ARNT2: variants seen among roughly 807,000 people sequenced by gnomAD.
ARNT2 encodes the protein ARNT protein 2.
Under a neutral mutation model 91.7 loss-of-function variants are expected in ARNT2, and 36 were observed. That is an observed-to-expected ratio of 0.39 (90% CI 0.30 to 0.52). The LOEUF (loss-of-function observed/expected upper bound fraction) is 0.52. Among genes scored for constraint, ARNT2 ranks in the 20% least tolerant of loss-of-function variants. ARNT2 has a pLI of 0.72. For missense variants in ARNT2, 775 were observed against 939.3 expected (o/e 0.83, Z 2.29); for synonymous variants, 365 against 347.1 (o/e 1.05, Z -0.57).
chr15:80,475,271 T>G (rs748257257), intron 5 of ARNT2, 48 bp downstream of exon 5: 1 of 1,599,154 alleles, frequency 6.3e-7, no homozygotes, highest in South Asian at 1.1e-5. Context: ...GAAAACATTC[T>G]TGGCTGGGCA....
In ARNT2 at chr15:80,555,095, T is replaced by C; in HGVS notation, c.1120T>C (p.Cys374Arg). 1 of 1,614,254 alleles carries C rather than the reference T, an allele frequency of 6.2e-7. No homozygotes were observed. The highest frequency in any genetic ancestry group is 8.5e-7 in the Non-Finnish European group (1 of 1,180,046). ...DLLGKDILEFCHPEDQSHLRE... is the reference protein window; with the variant it reads ...DLLGKDILEFRHPEDQSHLRE... ...TCTGGGAAAGGACATTTTGGAATTC[T>C]GCCACCCTGAGGATCAAAGCCATCT... Residue 374 changes from cysteine (C) to arginine (R), a missense_variant, in exon 11 of 19, where the codon TGC becomes CGC. This residue lies in a region of ARNT2 where 285 missense variants were observed against 327.2 expected (regional missense o/e 0.87). Transcript: ENST00000303329.
intron 2 of ARNT2, among the ~76,000 whole-genome samples, chr15:80,452,337 C>T (rs1896407532): frequency 6.6e-6 from 1 of 152,174 alleles, no homozygotes; most frequent in South Asian, 2.1e-4. Flanking sequence ...ATCTTTACAG[C>T]AGAACCAGCA....
At chr15:80,474,873 G>T in intron 4 of ARNT2, 137 bp from the exon 5 acceptor site, 2 of 922,840 alleles carry the variant, frequency 2.2e-6, no homozygotes, top group Non-Finnish European at 3.3e-6. Context: ...CAGAAACAAA[G>T]TTCTCATTTC....
At chr15:80,468,753 G>A (rs950801062) in intron 3 of ARNT2, among the ~76,000 whole-genome samples, 7 of 152,280 alleles carry the variant, frequency 4.6e-5, no homozygotes, top group South Asian at 4.1e-4. Context: ...TATATTCATA[G>A]TTAACCCCCC....
intron 5 of ARNT2, among the ~76,000 whole-genome samples, chr15:80,488,182 C>T (rs1337912562): frequency 6.6e-6 from 1 of 152,176 alleles, no homozygotes; most frequent in East Asian, 1.9e-4. Context: ...CCTTTCCCAA[C>T]TCCCAATAAC....
chr15:80,456,097 C>CT (rs1416994023), intron 2 of ARNT2, among the ~76,000 whole-genome samples: 1 of 152,100 alleles, frequency 6.6e-6, no homozygotes, highest in African/African-American at 2.4e-5. Context: ...GGGGTGATGG[C>CT]TTAGTAATTA....
At chr15:80,546,104 T>A (rs1339422632) in intron 8 of ARNT2, among the ~76,000 whole-genome samples, 1 of 152,226 alleles carries the variant, frequency 6.6e-6, no homozygotes, top group Non-Finnish European at 1.5e-5. Context: ...GATTGAGTTT[T>A]GCTGCGTATA....
chr15:80,460,918 G>A (rs1473132224), intron 3 of ARNT2, among the ~76,000 whole-genome samples: 1 of 152,168 alleles, frequency 6.6e-6, no homozygotes, highest in Non-Finnish European at 1.5e-5. Context: ...CCCCACAGAA[G>A]GGAGTACTCA....
intron 8 of ARNT2, among the ~76,000 whole-genome samples, chr15:80,536,043 G>A (rs1446911907): frequency 6.6e-6 from 1 of 152,102 alleles, no homozygotes; most frequent in African/African-American, 2.4e-5. Context: ...CTTTTATTAT[G>A]GTCTAGAAAA....
Position 80,475,422 on chromosome 15 carries a change from T to A in ARNT2, c.622+199T>A. ...ACAAAAACAAAAAATTTGCCAGGCG[T>A]GGTGGTGGGCGCCTGTGGTCCCAGC... On this transcript the variant is annotated intron_variant, in intron 5 of 18. Transcript: ENST00000303329. 3 of 488,044 alleles carry A rather than the reference T, an allele frequency of 6.1e-6. No individual in the cohort carries two copies. The East Asian group carries it at 1.2e-4, about 20-fold the overall frequency. 30.2% of individuals were successfully genotyped at this position (488,044 alleles called of 1,614,324 possible). A position where few individuals can be genotyped will look rare whatever the true frequency, so the allele number is the denominator to read the frequency against.
chr15:80,487,527 A>C (rs1896996175), intron 5 of ARNT2, among the ~76,000 whole-genome samples: 1 of 152,246 alleles, frequency 6.6e-6, no homozygotes, highest in Non-Finnish European at 1.5e-5. Flanking sequence ...CTCAGGACAT[A>C]GTCTGTGACT....
Position 80,475,204 on chromosome 15 carries a change from C to T in ARNT2, c.603C>T (p.Thr201=). 2 of 1,614,034 alleles carry T rather than the reference C, an allele frequency of 1.2e-6. No homozygotes were observed. The highest frequency in any genetic ancestry group is 1.7e-6 in the Non-Finnish European group (2 of 1,180,036). Reference sequence around the variant, plus strand: ...AGAAGCTGAGAGAGCAACTGTGCACCTCAGAAAACTCAATGACAGGTCAGT... The same window carrying T: ...AGAAGCTGAGAGAGCAACTGTGCACTTCAGAAAACTCAATGACAGGTCAGT... The part of the protein sequence containing the change: ...DVEKLREQLC[T]SENSMTGRIL... Residue 201 remains threonine, a synonymous_variant, in exon 5 of 19, where the codon ACC becomes ACT. Coordinates refer to ENST00000303329, the MANE Select transcript of ARNT2 (RefSeq NM_014862.4).
intron 5 of ARNT2, among the ~76,000 whole-genome samples, chr15:80,477,010 G>T (rs1896815484): frequency 6.6e-6 from 1 of 152,188 alleles, no homozygotes. Context: ...GTTCTCACAA[G>T]ATCTGGTTGT....
chr15:80,582,363 G>A (rs781570826), intron 17 of ARNT2, among the ~76,000 whole-genome samples: 15 of 151,734 alleles, frequency 9.9e-5, no homozygotes, highest in Non-Finnish European at 2.1e-4. Context: ...AGGTGTTGTG[G>A]TGCATGCCTG....
intron 2 of ARNT2, among the ~76,000 whole-genome samples, chr15:80,453,732 C>T (rs976574414): frequency 1.3e-5 from 2 of 152,150 alleles, no homozygotes; most frequent in African/African-American, 4.8e-5. Context: ...GGTGTTCTTC[C>T]ACCTCCCTTT....
Position 80,404,617 on chromosome 15 carries a change from CGCGCCGGGCGCCCCCGGGG to C in ARNT2, c.31+76_31+94del. ...TTGCCCGGGGCCGGAGCGGACCAGG[CGCGCCGGGCGCCCCCGGGG>C]GCGCGGAGCCGCAGCTCGGCGCGGT... On this transcript the variant is annotated intron_variant, in intron 1 of 18. Transcript: ENST00000303329. This position sits in a 1 kb window ranked among gnomAD's most constrained non-coding sequence, Gnocchi z 5.5. 1.0e-6 allele frequency: 1 copy of C among 984,952 alleles called. No individual in the cohort carries two copies. The highest frequency in any genetic ancestry group is 1.2e-6 in the Non-Finnish European group (1 of 822,644). 61.0% of individuals were successfully genotyped at this position (984,952 alleles called of 1,614,324 possible).
rs536323493 is a variant in ARNT2, at chr15:80,545,310, G to C, written c.878-5889G>C. ...ACCTGGTCCTCTTGAAAGAGGGCAGGGCTCTTTAAATTCCTGAGGGGCAAG... is the reference window on the plus strand; with the variant it reads ...ACCTGGTCCTCTTGAAAGAGGGCAGCGCTCTTTAAATTCCTGAGGGGCAAG... On this transcript the variant is annotated intron_variant, in intron 8 of 18. Transcript: ENST00000303329. Among the ~76,000 whole-genome samples the C allele has an allele frequency of 2.6e-5, 4 of 152,176 alleles. No individual in the cohort carries two copies. In the East Asian group the frequency reaches 7.7e-4, roughly 29 times the overall value.
chr15:80,587,123 C>T (rs1307824028), intron 17 of ARNT2, among the ~76,000 whole-genome samples: 1 of 152,190 alleles, frequency 6.6e-6, no homozygotes, highest in Non-Finnish European at 1.5e-5. Flanking sequence ...CCAGAAGGCT[C>T]AGGAAGACTG....
intron 8 of ARNT2, among the ~76,000 whole-genome samples, chr15:80,517,393 C>G (rs767778395): frequency 1.3e-5 from 2 of 151,984 alleles, no homozygotes; most frequent in Non-Finnish European, 2.9e-5. Flanking sequence ...TATGTTTGGT[C>G]TCCTTCAGTT....
Sources: allele counts gnomAD v4.1 joint callset (sites outside exome capture counted in the v4.1 genomes callset), GRCh38; gene constraint gnomAD v4.1.1; regional missense constraint gnomAD v4.1.1; non-coding constraint Gnocchi (gnomAD v3.1); transcripts MANE v1.5; gene names NCBI Gene and HGNC (gene_info 2026-07-23, HGNC 2026-07-21).